The following MARK3 variants were observed in gnomAD, a reference collection of about 807,000 sequenced individuals.
MARK3 encodes microtubule affinity regulating kinase 3.
MARK3 carries 46 observed loss-of-function variants against 90.1 expected under a neutral mutation model. That is an observed-to-expected ratio of 0.51 (90% CI 0.40 to 0.65). The LOEUF (loss-of-function observed/expected upper bound fraction) is 0.65, where lower values mean the gene tolerates loss of function less well. MARK3 is among the 30% of genes least tolerant of loss of function. The pLI, the probability that MARK3 is intolerant of heterozygous loss-of-function variation, is 0.00. For missense variants in MARK3, 818 were observed against 947.2 expected, an observed-to-expected ratio of 0.86 and a Z score of 1.79; for synonymous variants, 321 against 332.6, an observed-to-expected ratio of 0.97 and a Z score of 0.38.
chr14:103,492,499 C>G (rs779358737), intron 15 of MARK3, among the ~76,000 whole-genome samples: 4 of 152,068 alleles, frequency 2.6e-5, no homozygotes, highest in Non-Finnish European at 2.9e-5. Flanking sequence ...TCTTAAGAGT[C>G]CAAATCTTGA....
In MARK3 at chr14:103,419,133, G is replaced by A. The variant is rs188130012; in HGVS notation, c.244-9254G>A. Among the ~76,000 whole-genome samples, 466 of 152,070 alleles carry A rather than the reference G, an allele frequency of 3.1e-3. 1 individual carries two copies. The highest frequency in any genetic ancestry group is 0.011 in the African/African-American group (442 of 41,496). Reference sequence around the variant, plus strand: ...GAAACCCCGTCTCTACTAAAAATACGAAAACAAAATTAGCTGGGCGTGGTG... The same window carrying A: ...GAAACCCCGTCTCTACTAAAAATACAAAAACAAAATTAGCTGGGCGTGGTG... On this transcript the variant is annotated intron_variant, in intron 2 of 17. Transcript: ENST00000429436.
chr14:103,431,221 G>C (rs768256377), intron 3 of MARK3, among the ~76,000 whole-genome samples: 2 of 151,984 alleles, frequency 1.3e-5, no homozygotes, highest in Non-Finnish European at 2.9e-5. Context: ...CCTCCCAAGT[G>C]GCTAGGACTA....
At chr14:103,404,659 C>T (rs983471447) in intron 1 of MARK3, among the ~76,000 whole-genome samples, 2 of 152,008 alleles carry the variant, frequency 1.3e-5, no homozygotes, top group Admixed American at 6.6e-5. Flanking sequence ...TATGGATTTC[C>T]CCCTGAACAG....
chr14:103,398,350 C>A (rs2090721341), intron 1 of MARK3, among the ~76,000 whole-genome samples: 1 of 152,204 alleles, frequency 6.6e-6, no homozygotes, highest in Non-Finnish European at 1.5e-5. Flanking sequence ...AGCTTTCTGC[C>A]TTTTCCCTAT....
chr14:103,404,653 G>A (rs1421451943), intron 1 of MARK3, among the ~76,000 whole-genome samples: 3 of 152,166 alleles, frequency 2.0e-5, no homozygotes, highest in Non-Finnish European at 4.4e-5. Context: ...ATTCTCTATG[G>A]ATTTCCCCCT....
intron 14 of MARK3, among the ~76,000 whole-genome samples, chr14:103,483,278 T>G (rs2093860040): frequency 6.6e-6 from 1 of 152,214 alleles, no homozygotes; most frequent in South Asian, 2.1e-4. Flanking sequence ...CATGTTAAGT[T>G]CCAATTTTAG....
intron 2 of MARK3, chr14:103,417,561 T>A (rs2092001149): frequency 6.6e-6 from 1 of 152,194 alleles, no homozygotes; most frequent in Non-Finnish European, 1.5e-5. Context: ...TCTTCATTCA[T>A]TGTTCTTGGT....
chr14:103,397,876 C>T (rs1359285344), intron 1 of MARK3, among the ~76,000 whole-genome samples: 2 of 152,216 alleles, frequency 1.3e-5, no homozygotes, highest in East Asian at 3.9e-4. Flanking sequence ...CCATGTGAGA[C>T]TATCTTCTTG....
chr14:103,491,701 G>A (rs1348160453), intron 14 of MARK3, 76 bp from the exon 15 acceptor site: 1 of 1,490,010 alleles, frequency 6.7e-7, no homozygotes, highest in African/African-American at 1.4e-5. Context: ...TTTCTCCACT[G>A]TGTATAAAAG....
intron 12 of MARK3, among the ~76,000 whole-genome samples, chr14:103,474,283 T>C (rs566966233): frequency 2.6e-5 from 4 of 152,234 alleles, no homozygotes; most frequent in Non-Finnish European, 4.4e-5. Context: ...ATACTAGTTA[T>C]CATGTTCATT....
chr14:103,391,320 C>T (rs2090226267), intron 1 of MARK3, among the ~76,000 whole-genome samples: 1 of 152,196 alleles, frequency 6.6e-6, no homozygotes, highest in Non-Finnish European at 1.5e-5. Context: ...AGTGGCCAAT[C>T]TTATTTCATT....
In MARK3 at chr14:103,385,984, T is replaced by A; in HGVS notation, c.-46T>A. The stretch of plus-strand genomic sequence containing the variant: ...GGTCGCCGGCCTCCTAGGGCTGTGC[T>A]GTTTTGTTTTGACCCTCGCATTGTG... On this transcript the variant is annotated 5_prime_UTR_variant, in exon 1 of 18. Transcript: ENST00000429436. 1 of 1,521,520 alleles carries A rather than the reference T, an allele frequency of 6.6e-7. No individual in the cohort carries two copies. The highest frequency in any genetic ancestry group is 9.1e-7 in the Non-Finnish European group (1 of 1,095,562). 94.3% of individuals were successfully genotyped at this position (1,521,520 alleles called of 1,614,324 possible). A position where few individuals can be genotyped will look rare whatever the true frequency, so the allele number is the denominator to read the frequency against.
chr14:103,424,854 A>G (rs942921825), intron 2 of MARK3, among the ~76,000 whole-genome samples: 4 of 152,180 alleles, frequency 2.6e-5, no homozygotes, highest in Admixed American at 2.0e-4. Context: ...TTAAAACCTC[A>G]TTATCTGTTA....
chr14:103,475,146 G>T lies in MARK3; in HGVS notation c.1418G>T (p.Gly473Val). ...ATTGCTCCAGCCAGTCCCATGCTTGGGAATGCAAGTAATCCTAATAAGGCG... is the reference window on the plus strand; with the variant it reads ...ATTGCTCCAGCCAGTCCCATGCTTGTGAATGCAAGTAATCCTAATAAGGCG... The part of the protein sequence containing the change: ...KGIAPASPML[G>V]NASNPNKADI... Residue 473 changes from glycine to valine, a missense_variant, in exon 13 of 18, where the codon GGG becomes GTG. Transcript: ENST00000429436. 1 of 1,614,092 alleles carries T rather than the reference G, an allele frequency of 6.2e-7. No individual in the cohort carries two copies. Among genetic ancestry groups the T allele is most frequent in the Non-Finnish European group, 8.5e-7 (1 of 1,180,034 alleles).
chr14:103,469,627 A>G (rs1434334385), intron 12 of MARK3, among the ~76,000 whole-genome samples: 1 of 151,854 alleles, frequency 6.6e-6, no homozygotes, highest in East Asian at 2.0e-4. Context: ...CCAATATTGT[A>G]TTTTTAGTAG....
intron 2 of MARK3, among the ~76,000 whole-genome samples, chr14:103,408,290 C>T (rs1463153106): frequency 1.3e-5 from 2 of 152,216 alleles, no homozygotes; most frequent in African/African-American, 4.8e-5. Context: ...TGGGTTCAAG[C>T]GATTCTCCTG....
intron 1 of MARK3, among the ~76,000 whole-genome samples, chr14:103,388,675 G>A (rs1350189685): frequency 6.6e-6 from 1 of 152,122 alleles, no homozygotes; most frequent in East Asian, 1.9e-4. Flanking sequence ...TATAGTCAGT[G>A]CCCTCTCCCT....
rs529787777 is a variant in MARK3, at chr14:103,459,456, A to T, written c.483+2244A>T. On this transcript the variant is annotated intron_variant, in intron 6 of 17. Transcript: ENST00000429436. ...CTCCATTAGACTTGGAAGGATACGC[A>T]TCATATTGGTGTTTCCACTTTTCTG... Among the ~76,000 whole-genome samples, 131 of 152,138 alleles carry T rather than the reference A, an allele frequency of 8.6e-4. 1 individual carries two copies. Among genetic ancestry groups the T allele is most frequent in the African/African-American group, 3.1e-3 (128 of 41,512 alleles).
chr14:103,470,367 G>A (rs1250280633), intron 12 of MARK3, among the ~76,000 whole-genome samples: 5 of 151,562 alleles, frequency 3.3e-5, no homozygotes, highest in African/African-American at 9.7e-5. Flanking sequence ...TGAGGCTAGC[G>A]TGTGTGTTTA....
Sources: gnomAD v4.1 joint callset for allele counts (sites outside exome capture counted in the v4.1 genomes callset) on GRCh38, gnomAD v4.1.1 for gene constraint, MANE v1.5 for transcripts, NCBI Gene and HGNC (gene_info 2026-07-23, HGNC 2026-07-21) for gene names.